Variants in REDIC1 observed in about 807,000 individuals in gnomAD.
REDIC1 encodes HEI10 Interacting Protein 1.
chr12:39,678,897 A>G, the REDIC1 span, among the ~76,000 whole-genome samples: 2 of 152,206 alleles, frequency 1.3e-5, no homozygotes, highest in African/African-American at 4.8e-5. Context: ...AAAATCTAGT[A>G]TCACTTTATG....
chr12:39,754,927 A>G, the REDIC1 span: 1 of 152,102 alleles, frequency 6.6e-6, no homozygotes, highest in African/African-American at 2.4e-5. Context: ...CTGCATTAAT[A>G]TATAGAGGTA....
the REDIC1 span, among the ~76,000 whole-genome samples, chr12:39,894,136 G>C: frequency 1.0e-3 from 154 of 152,226 alleles, no homozygotes; most frequent in Middle Eastern, 3.4e-3. Flanking sequence ...ATAGTGCCAC[G>C]TCACTAGGGC....
chr12:39,646,459 C>G, the REDIC1 span: 4 of 1,555,738 alleles, frequency 2.6e-6, no homozygotes, highest in African/African-American at 1.4e-5. Flanking sequence ...ATACAGAAAC[C>G]AAGTAGGTTT....
At chr12:39,748,141 G>C in the REDIC1 span, among the ~76,000 whole-genome samples, 1 of 152,082 alleles carries the variant, frequency 6.6e-6, no homozygotes, top group Non-Finnish European at 1.5e-5. Flanking sequence ...ATTGGATAAA[G>C]AGTCAAGACC....
At chr12:39,630,314 G>T in the REDIC1 span, among the ~76,000 whole-genome samples, 1 of 152,102 alleles carries the variant, frequency 6.6e-6, no homozygotes, top group Non-Finnish European at 1.5e-5. Flanking sequence ...CACTATACAT[G>T]CAGTATAAGA....
chr12:39,828,523 C>CT, the REDIC1 span, among the ~76,000 whole-genome samples: 4 of 152,080 alleles, frequency 2.6e-5, no homozygotes, highest in African/African-American at 9.7e-5. Context: ...AAAACTCCTG[C>CT]TTTGAGGCCT....
chr12:39,876,772 C>T, the REDIC1 span, among the ~76,000 whole-genome samples: 10 of 152,128 alleles, frequency 6.6e-5, no homozygotes, highest in East Asian at 3.9e-4. Flanking sequence ...ACTATAAAGA[C>T]GTTAATTTCA....
chr12:39,653,539 T>TTCTTCTTCTTC, the REDIC1 span, among the ~76,000 whole-genome samples: 287 of 56,100 alleles, frequency 5.1e-3, 20 homozygotes, highest in African/African-American at 0.016. Flanking sequence ...TCTTCTTCTT[T>TTCTTCTTCTTC]TTCTTCTTCT....
At chr12:39,787,480 TAGG>T in the REDIC1 span, among the ~76,000 whole-genome samples, 204 of 152,302 alleles carry the variant, frequency 1.3e-3, no homozygotes, top group African/African-American at 4.4e-3. Context: ...TCGGGATTTC[TAGG>T]AGATTATTTT....
At chr12:39,722,771 A>G in the REDIC1 span, among the ~76,000 whole-genome samples, 1 of 152,190 alleles carries the variant, frequency 6.6e-6, no homozygotes, top group African/African-American at 2.4e-5. Flanking sequence ...ACAGCAGAGT[A>G]AAGTGTAGTG....
the REDIC1 span, among the ~76,000 whole-genome samples, chr12:39,704,237 C>A: frequency 2.0e-5 from 3 of 151,834 alleles, no homozygotes; most frequent in Admixed American, 1.3e-4. Flanking sequence ...GAAAAAAAAA[C>A]AACCCCATCA....
the REDIC1 span, among the ~76,000 whole-genome samples, chr12:39,777,920 C>A: frequency 6.6e-6 from 1 of 152,204 alleles, no homozygotes; most frequent in Non-Finnish European, 1.5e-5. Flanking sequence ...GCCCTCTGTC[C>A]CTGCAGTAAG....
At chr12:39,826,864 T>TTTTTTTTTTTTTTTC in the REDIC1 span, among the ~76,000 whole-genome samples, 110 of 143,588 alleles carry the variant, frequency 7.7e-4, 2 homozygotes, top group Middle Eastern at 3.7e-3. Context: ...ATTTTTTTTT[T>TTTTTTTTTTTTTTTC]TTTTTTTTGC....
the REDIC1 span, among the ~76,000 whole-genome samples, chr12:39,798,499 C>T: frequency 6.6e-6 from 1 of 152,104 alleles, no homozygotes; most frequent in Admixed American, 6.5e-5. Context: ...AATCTAGATC[C>T]CCAAGTAACT....
the REDIC1 span, among the ~76,000 whole-genome samples, chr12:39,857,134 C>T: frequency 1.5e-3 from 231 of 152,258 alleles, 2 homozygotes; most frequent in African/African-American, 5.2e-3. Flanking sequence ...ACATGTTTTT[C>T]CCCCTTTATC....
At chr12:39,726,518 A>T in the REDIC1 span, among the ~76,000 whole-genome samples, 1 of 152,194 alleles carries the variant, frequency 6.6e-6, no homozygotes, top group Non-Finnish European at 1.5e-5. Flanking sequence ...GCTGCATAGT[A>T]TTCCATGGTG....
chr12:39,673,016 C>T, the REDIC1 span, among the ~76,000 whole-genome samples: 2 of 152,016 alleles, frequency 1.3e-5, no homozygotes, highest in Non-Finnish European at 2.9e-5. Flanking sequence ...CCAATGTGGC[C>T]AGGATTATAG....
chr12:39,860,593 C>T, the REDIC1 span, among the ~76,000 whole-genome samples: 44 of 152,302 alleles, frequency 2.9e-4, no homozygotes, highest in African/African-American at 9.4e-4. Flanking sequence ...CAAAATTGCA[C>T]GCATGGTCTT....
At chr12:39,709,414 G>A in the REDIC1 span, among the ~76,000 whole-genome samples, 1 of 151,398 alleles carries the variant, frequency 6.6e-6, no homozygotes, top group Non-Finnish European at 1.5e-5. Flanking sequence ...CAGTTTCCAG[G>A]TGTACAATAC....
Sources: gnomAD v4.1 joint callset for allele counts (sites outside exome capture counted in the v4.1 genomes callset) on GRCh38, gnomAD v4.1.1 for gene constraint, MANE v1.5 for transcripts, NCBI Gene and HGNC (gene_info 2026-07-23, HGNC 2026-07-21) for gene names.